Variants in SLC27A4 observed in about 807,000 individuals in gnomAD.
The protein encoded by SLC27A4 is long-chain fatty acid transport protein 4.
Under a neutral mutation model 64.4 loss-of-function variants are expected in SLC27A4, and 33 were observed. The observed-to-expected ratio is 0.51, with a 90% CI of 0.39 to 0.68. The LOEUF (loss-of-function observed/expected upper bound fraction) is 0.68, where lower values mean the gene tolerates loss of function less well. Among genes scored for constraint, SLC27A4 ranks in the 30% least tolerant of loss-of-function variants. SLC27A4 has a pLI of 0.00. For synonymous variants in SLC27A4, 377 were observed against 370.0 expected (o/e 1.02, Z -0.22); for missense variants, 824 against 883.5 (o/e 0.93, Z 0.85).
At position 128,345,829 on chromosome 9, in the gene SLC27A4, A is replaced by C. The variant is rs936737837; in HGVS notation, c.556+280A>C. Among the ~76,000 whole-genome samples the C allele has an allele frequency of 1.3e-5, 2 of 152,208 alleles. No homozygotes were observed. The highest frequency in any genetic ancestry group is 1.3e-4 in the Admixed American group (2 of 15,288). On this transcript the variant is annotated intron_variant, in intron 3 of 12. Transcript: ENST00000300456. The surrounding 1 kb of genome is among the most constrained non-coding windows in gnomAD (Gnocchi z 4.1). The stretch of plus-strand genomic sequence containing the variant: ...ACAGCTGTAATCCCAGCATGTTGGG[A>C]GGCCAAGGCAGGAGGATCCCTTGAG...
rs1213864537 is a variant in SLC27A4, at chr9:128,345,351, G to T, written c.358G>T (p.Ala120Ser). 1.2e-6 allele frequency: 2 copies of T among 1,613,792 alleles called. No individual in the cohort carries two copies. Among genetic ancestry groups the T allele is most frequent in the Non-Finnish European group, 1.7e-6 (2 of 1,180,010 alleles). ...AAGCAGTGTAGCCAACTTCCTGCAG[G>T]CCCGGGGCCTGGCCTCGGGCGATGT... ...YSSSVANFLQ[A>S]RGLASGDVAA... The change falls in exon 3 of 13, where the codon GCC becomes TCC. Residue 120 changes from alanine (A) to serine (S), a missense_variant. Physicochemically the swap from Ala to Ser is moderately conservative, Grantham distance 99. Transcript: ENST00000300456. The surrounding 1 kb of genome is among the most constrained non-coding windows in gnomAD (Gnocchi z 4.1).
intron 12 of SLC27A4, among the ~76,000 whole-genome samples, chr9:128,357,652 G>T (rs1301729129): frequency 6.6e-6 from 1 of 152,188 alleles, no homozygotes; most frequent in East Asian, 1.9e-4. Context: ...TTGGCCCATT[G>T]GTGGCTCTCA....
At chr9:128,343,698 G>A (rs1201476058) in intron 2 of SLC27A4, among the ~76,000 whole-genome samples, 2 of 152,230 alleles carry the variant, frequency 1.3e-5, no homozygotes, top group Non-Finnish European at 2.9e-5. Flanking sequence ...GAGTTCTAGA[G>A]CAGAGCCCCT....
chr9:128,355,163 A>G lies in SLC27A4; in HGVS notation c.1435A>G (p.Lys479Glu). Residue 479 changes from lysine to glutamate, a missense_variant, in exon 10 of 13, where the codon AAG (lysine) becomes GAG (glutamate). Coordinates refer to ENST00000300456, the MANE Select transcript of SLC27A4 (RefSeq NM_005094.4). ...CAAGAAGATTGCCAAGGATGTCTTC[A>G]AGAAGGGGGACCAGGCCTACCTTAC... ...NNKKIAKDVF[K>E]KGDQAYLTGD... 1 of 1,613,658 alleles carries G rather than the reference A, an allele frequency of 6.2e-7. No individual in the cohort carries two copies. The highest frequency in any genetic ancestry group is 1.3e-5 in the African/African-American group (1 of 75,032).
At chr9:128,342,168 G>C (rs1418533475) in intron 1 of SLC27A4, 1 of 1,227,298 alleles carries the variant, frequency 8.1e-7, no homozygotes, top group Non-Finnish European at 1.2e-6. Context: ...ACTCGGTGGT[G>C]GCCACTGCGC....
At chr9:128,346,297 G>T (rs1303825927) in intron 3 of SLC27A4, among the ~76,000 whole-genome samples, 1 of 151,700 alleles carries the variant, frequency 6.6e-6, no homozygotes, top group African/African-American at 2.4e-5. Context: ...GCAGTGGCGT[G>T]ATCTCGGCTC....
At chr9:128,350,091 C>G (rs1832710967) in intron 4 of SLC27A4, among the ~76,000 whole-genome samples, 1 of 152,240 alleles carries the variant, frequency 6.6e-6, no homozygotes, top group Admixed American at 6.5e-5. Context: ...TGATGTCTCT[C>G]TCCACCAGGG....
At chr9:128,344,956 G>A (rs1832630855) in intron 2 of SLC27A4, among the ~76,000 whole-genome samples, 199 bp from the exon 3 acceptor site, 1 of 152,162 alleles carries the variant, frequency 6.6e-6, no homozygotes, top group African/African-American at 2.4e-5. Flanking sequence ...TAAGGGGAGG[G>A]GAATCATACG....
At chr9:128,343,039 G>A (rs1832599728) in intron 1 of SLC27A4, 88 bp from the exon 2 acceptor site, 23 of 1,524,964 alleles carry the variant, frequency 1.5e-5, no homozygotes, top group Non-Finnish European at 1.9e-5. Flanking sequence ...TGTCCCCTTG[G>A]GATCACAGTG....
chr9:128,355,927 G>A (rs899075214), intron 12 of SLC27A4, 131 bp downstream of exon 12: 8 of 1,194,986 alleles, frequency 6.7e-6, no homozygotes, highest in South Asian at 1.2e-5. Context: ...ACCTGCCTGT[G>A]TAGAGGTGAG....
chr9:128,343,311 C>G lies in SLC27A4; in HGVS notation c.161+18C>G, dbSNP rs372097193. 23 of 1,613,908 alleles carry G rather than the reference C, an allele frequency of 1.4e-5. No individual in the cohort carries two copies. In the African/African-American group the frequency reaches 2.7e-4, roughly 19 times the overall value. On this transcript the variant is annotated intron_variant, in intron 2 of 12. Transcript: ENST00000300456. ...GATATCTTGTGAGTACCTGGCCCAG[C>G]CTTTCCTGGGGTCTGCCACACTACA...
intron 12 of SLC27A4, among the ~76,000 whole-genome samples, chr9:128,358,251 G>A (rs983745352): frequency 6.6e-6 from 1 of 152,080 alleles, no homozygotes; most frequent in African/African-American, 2.4e-5. Flanking sequence ...TCTGGCTCTC[G>A]GCTGCTTACC....
At chr9:128,342,240 C>G (rs1832584976) in intron 1 of SLC27A4, 1 of 1,610,612 alleles carries the variant, frequency 6.2e-7, no homozygotes, top group Non-Finnish European at 8.5e-7. Flanking sequence ...CCATGTCTGA[C>G]AAACCCGATA....
At chr9:128,359,215 G>A (rs1832863853) in intron 12 of SLC27A4, among the ~76,000 whole-genome samples, 1 of 152,174 alleles carries the variant, frequency 6.6e-6, no homozygotes, top group Non-Finnish European at 1.5e-5. Flanking sequence ...GCGGCCAGGC[G>A]TGGCAGCTCA....
chr9:128,352,857 C>CCAG, intron 7 of SLC27A4, 110 bp downstream of exon 7: 1 of 1,092,002 alleles, frequency 9.2e-7, no homozygotes, highest in Non-Finnish European at 1.4e-6. Flanking sequence ...TTCCAAAGGG[C>CCAG]TCATTTGTGG....
chr9:128,352,595 T>G (rs373661520), intron 6 of SLC27A4, 43 bp from the exon 7 acceptor site: 180 of 1,483,140 alleles, frequency 1.2e-4, no homozygotes, highest in Non-Finnish European at 5.8e-5. Context: ...CCGGGGAGGG[T>G]CTTCATCTCG....
At chr9:128,354,485 G>A (rs778463381) in intron 9 of SLC27A4, among the ~76,000 whole-genome samples, 12 of 152,174 alleles carry the variant, frequency 7.9e-5, no homozygotes, top group African/African-American at 1.2e-4. Flanking sequence ...GGCTTGGGGC[G>A]CTGGCTTTGT....
Position 128,345,958 on chromosome 9 carries a change from T to A in SLC27A4, c.556+409T>A, listed in dbSNP as rs1832650557. On this transcript the variant is annotated intron_variant, in intron 3 of 12. Transcript: ENST00000300456. The surrounding 1 kb of genome is among the most constrained non-coding windows in gnomAD (Gnocchi z 4.1). ...CCCTGTCACCCAGGCTGGAGTGCAG[T>A]GGTGCAGTCACAGCTCACTGCAGCC... 6.6e-6 allele frequency among the ~76,000 whole-genome samples: 1 copy of A among 152,114 alleles called. No homozygotes were observed. Among genetic ancestry groups the A allele is most frequent in the African/African-American group, 2.4e-5 (1 of 41,438 alleles).
At position 128,353,347 on chromosome 9, in the gene SLC27A4, C is replaced by T; in HGVS notation, c.1198-68C>T. 1 of 1,613,228 alleles carries T rather than the reference C, an allele frequency of 6.2e-7. No homozygotes were observed. Among genetic ancestry groups the T allele is most frequent in the East Asian group, 2.2e-5 (1 of 44,880 alleles). On this transcript the variant is annotated intron_variant, in intron 8 of 12. Transcript: ENST00000300456. The surrounding 1 kb of genome is among the most constrained non-coding windows in gnomAD (Gnocchi z 4.9). ...TGAGAGTGTGGGTGCTGGAGTCCCA[C>T]TTCCCCCTCATTGTCCAGTTTTGGG...
Sources: gnomAD v4.1 joint callset for allele counts (sites outside exome capture counted in the v4.1 genomes callset) on GRCh38, gnomAD v4.1.1 for gene constraint, Gnocchi (gnomAD v3.1) non-coding constraint, MANE v1.5 for transcripts, NCBI Gene and HGNC (gene_info 2026-07-23, HGNC 2026-07-21) for gene names.